LPCAT1: variants seen among roughly 807,000 people sequenced by gnomAD.
LPCAT1 encodes 1-acylglycerol-3-phosphate O-acyltransferase.
A neutral mutation model predicts 60.9 loss-of-function variants in LPCAT1; 23 were observed. That is an observed-to-expected ratio of 0.38 (90% CI 0.27 to 0.53). The LOEUF (loss-of-function observed/expected upper bound fraction) is 0.53. Among genes scored for constraint, LPCAT1 ranks in the 20% least tolerant of loss-of-function variants. The pLI, the probability that LPCAT1 is intolerant of heterozygous loss-of-function variation, is 0.82. For synonymous variants in LPCAT1, 340 were observed against 301.1 expected (o/e 1.13, Z -1.34); for missense variants, 622 against 723.6 (o/e 0.86, Z 1.61).
At chr5:1,491,635 A>G (rs1322684308) in intron 3 of LPCAT1, among the ~76,000 whole-genome samples, 1 of 152,088 alleles carries the variant, frequency 6.6e-6, no homozygotes, top group East Asian at 1.9e-4. Context: ...AGCCCTGAGG[A>G]GGGAAGGGTG....
rs772975258 is a variant in LPCAT1, at chr5:1,501,499, C to T, written c.240G>A (p.Ala80=). ...PLALVASLGS[A]EKEPEQPPAL... ...CCGGGGGCTGCTCGGGTTCCTTCTC[C>T]GCAGAGCCCAGGGATGCGACAAGTG... Residue 80 remains alanine, a synonymous_variant, in exon 2 of 14, where the codon GCG becomes GCA. Transcript: ENST00000283415. The T allele has an allele frequency of 9.9e-6, 16 of 1,613,744 alleles. No homozygotes were observed. The highest frequency in any genetic ancestry group is 2.2e-5 in the South Asian group (2 of 91,080).
chr5:1,491,814 A>C (rs577139294), intron 3 of LPCAT1, among the ~76,000 whole-genome samples: 2 of 152,366 alleles, frequency 1.3e-5, no homozygotes, highest in South Asian at 4.1e-4. Context: ...GAATGTGAAA[A>C]GGAAAAAATC....
Position 1,477,102 on chromosome 5 carries a change from C to T in LPCAT1, c.899+302G>A, listed in dbSNP as rs544940885. ...CAGATGTGAAGTTGGCCCAGGCCAG[C>T]GCCCCGCTGGCTCATTTAGGGCACA... On this transcript the variant is annotated intron_variant, in intron 9 of 13. Coordinates refer to ENST00000283415, the MANE Select transcript of LPCAT1 (RefSeq NM_024830.5). The surrounding 1 kb of genome is among the most constrained non-coding windows in gnomAD (Gnocchi z 6.0). 3.5e-4 allele frequency among the ~76,000 whole-genome samples: 53 copies of T among 152,310 alleles called. 1 individual carries two copies. The highest frequency in any genetic ancestry group is 1.1e-3 in the African/African-American group (45 of 41,574).
intron 9 of LPCAT1, 95 bp from the exon 10 acceptor site, chr5:1,474,780 G>A (rs1022009647): frequency 6.1e-6 from 9 of 1,469,170 alleles, no homozygotes; most frequent in Non-Finnish European, 8.2e-6. Context: ...GGGGAGAGGA[G>A]GGCTGAGGAG....
At chr5:1,463,860 T>A (rs907858443) in intron 13 of LPCAT1, 25 bp from the exon 14 acceptor site, 7 of 1,611,330 alleles carry the variant, frequency 4.3e-6, no homozygotes, top group Non-Finnish European at 5.9e-6. Flanking sequence ...GCACCTGTGG[T>A]TATGGAATGG....
chr5:1,466,625 G>T, intron 13 of LPCAT1, 124 bp downstream of exon 13: 2 of 1,089,726 alleles, frequency 1.8e-6, no homozygotes, highest in Non-Finnish European at 1.3e-6. Context: ...ACACAGGGCA[G>T]CCTGGTGAAT....
At chr5:1,505,823 G>T (rs966366645) in intron 1 of LPCAT1, among the ~76,000 whole-genome samples, 3 of 152,216 alleles carry the variant, frequency 2.0e-5, no homozygotes, top group African/African-American at 4.8e-5. Flanking sequence ...TTCGTGCACG[G>T]GGAGGACTGT....
rs2126632722 is a variant in LPCAT1 at position 1,523,215 on chromosome 5, G to A, written c.135+495C>T. On this transcript the variant is annotated intron_variant, in intron 1 of 13. Coordinates refer to ENST00000283415, the MANE Select transcript of LPCAT1 (RefSeq NM_024830.5). This position sits in a 1 kb window ranked among gnomAD's most constrained non-coding sequence, Gnocchi z 7.1. ...CACGAGGCTCACCCAGAGCCGCGGT[G>A]CCCTCCCGCCCGCGGGCCGCGTCCA... Among the ~76,000 whole-genome samples, 2 of 152,030 alleles carry A rather than the reference G, an allele frequency of 1.3e-5. No individual in the cohort carries two copies. Among genetic ancestry groups the A allele is most frequent in the South Asian group, 4.1e-4 (2 of 4,822 alleles).
chr5:1,472,606 C>T (rs1338769549), intron 11 of LPCAT1, among the ~76,000 whole-genome samples: 1 of 152,162 alleles, frequency 6.6e-6, no homozygotes, highest in Non-Finnish European at 1.5e-5. Context: ...CATAAGTTAC[C>T]TCGGAACGCT....
chr5:1,516,299 T>A (rs10039419), intron 1 of LPCAT1, among the ~76,000 whole-genome samples: 12,398 of 152,256 alleles, frequency 0.081, 1,676 homozygotes, highest in African/African-American at 0.28. Context: ...GATGGATGCA[T>A]GGGACCCAGG....
intron 1 of LPCAT1, among the ~76,000 whole-genome samples, chr5:1,512,379 C>G (rs1736382451): frequency 6.6e-6 from 1 of 152,244 alleles, no homozygotes; most frequent in Non-Finnish European, 1.5e-5. Context: ...GGCCCAAGAG[C>G]AGTCCCACAC....
At chr5:1,509,158 G>A (rs1221215963) in intron 1 of LPCAT1, among the ~76,000 whole-genome samples, 1 of 152,252 alleles carries the variant, frequency 6.6e-6, no homozygotes, top group East Asian at 1.9e-4. Flanking sequence ...AAAGGATGGC[G>A]CCCGGAGACT....
At chr5:1,499,395 G>A (rs1373800196) in intron 2 of LPCAT1, among the ~76,000 whole-genome samples, 1 of 152,182 alleles carries the variant, frequency 6.6e-6, no homozygotes, top group African/African-American at 2.4e-5. Context: ...CAGGTCACCT[G>A]CAGCCTGCTT....
chr5:1,511,631 G>A (rs552021135), intron 1 of LPCAT1, among the ~76,000 whole-genome samples: 5 of 152,366 alleles, frequency 3.3e-5, no homozygotes, highest in African/African-American at 1.2e-4. Context: ...GGATGCACCT[G>A]TACGCCTCAC....
chr5:1,467,958 G>A (rs1221705632), intron 12 of LPCAT1, among the ~76,000 whole-genome samples: 2 of 152,096 alleles, frequency 1.3e-5, no homozygotes, highest in South Asian at 2.1e-4. Flanking sequence ...CTGCTGCAGC[G>A]CGCTGTGATC....
intron 2 of LPCAT1, among the ~76,000 whole-genome samples, chr5:1,498,672 C>T (rs1383636549): frequency 2.6e-5 from 4 of 152,102 alleles, no homozygotes; most frequent in Non-Finnish European, 5.9e-5. Flanking sequence ...CACTCATACA[C>T]ATGTACATAC....
At chr5:1,464,870 C>T (rs879365726) in intron 13 of LPCAT1, among the ~76,000 whole-genome samples, 14 of 81,684 alleles carry the variant, frequency 1.7e-4, no homozygotes, top group East Asian at 3.1e-4. Flanking sequence ...TAAACACATG[C>T]GTGTACACAC....
chr5:1,513,406 C>T (rs1243594145), intron 1 of LPCAT1, among the ~76,000 whole-genome samples: 1 of 152,132 alleles, frequency 6.6e-6, no homozygotes, highest in Admixed American at 6.5e-5. Flanking sequence ...CTGGTGACCC[C>T]GAGGGCTCAG....
At position 1,523,920 on chromosome 5, in the gene LPCAT1, T is replaced by C. The variant is rs1736755906; in HGVS notation, c.-76A>G. 1.7e-5 allele frequency: 16 copies of C among 959,352 alleles called. No individual in the cohort carries two copies. Among genetic ancestry groups the C allele is most frequent in the Non-Finnish European group, 1.9e-5 (15 of 804,886 alleles). The allele number at this position is 959,352 out of a possible 1,614,324, so 59.4% of individuals were successfully genotyped here. A position where few individuals can be genotyped will look rare whatever the true frequency, so the allele number is the denominator to read the frequency against. Reference sequence around the variant, plus strand: ...GGGGCCGGGGCTAGCTGGGCGCGGGTCTCGGGGCGCGGGCCGAGGATGCGC... The same window carrying C: ...GGGGCCGGGGCTAGCTGGGCGCGGGCCTCGGGGCGCGGGCCGAGGATGCGC... On this transcript the variant is annotated 5_prime_UTR_variant, in exon 1 of 14. Transcript: ENST00000283415. The surrounding 1 kb of genome is among the most constrained non-coding windows in gnomAD (Gnocchi z 7.1).
Sources: gnomAD v4.1 joint callset for allele counts (sites outside exome capture counted in the v4.1 genomes callset) on GRCh38, gnomAD v4.1.1 for gene constraint, Gnocchi (gnomAD v3.1) non-coding constraint, MANE v1.5 for transcripts, NCBI Gene and HGNC (gene_info 2026-07-23, HGNC 2026-07-21) for gene names.